The following ZNF558 variants were observed in gnomAD, a reference collection of about 807,000 sequenced individuals.
ZNF558 encodes the protein zinc finger protein 558.
A neutral mutation model predicts 37.6 loss-of-function variants in ZNF558; 23 were observed. The observed-to-expected ratio is 0.61, with a 90% confidence interval of 0.44 to 0.87. The LOEUF (loss-of-function observed/expected upper bound fraction) is 0.87, where lower values mean the gene tolerates loss of function less well. Among genes scored for constraint, ZNF558 ranks in the 40% least tolerant of loss-of-function variants. The probability of loss-of-function intolerance (pLI) is 0.00; values close to 1 mark genes in which losing one functional copy is unlikely to be tolerated. For missense variants in ZNF558, 429 were observed against 483.7 expected (o/e 0.89, Z 1.06); for synonymous variants, 189 against 174.4 (o/e 1.08, Z -0.66).
rs781969585 is a variant in ZNF558 at position 8,811,954 on chromosome 19, G to A, written c.536C>T (p.Pro179Leu). 6.2e-7 allele frequency: 1 copy of A among 1,614,090 alleles called. No homozygotes were observed. Among genetic ancestry groups the A allele is most frequent in the South Asian group, 1.1e-5 (1 of 91,074 alleles). The change falls in exon 10 of 10, where the codon CCC (proline) becomes CTC (leucine). Residue 179 changes from proline (P) to leucine (L), a missense_variant. Pro to Leu is a moderately conservative substitution (Grantham distance 98). Coordinates refer to ENST00000601372, the MANE Select transcript of ZNF558 (RefSeq NM_144693.3). Reference sequence around the variant, plus strand: ...CTTCCCACATTGACTACAGTCATAGGGTTTTTCTCCAGTATGAATTCTCTT... The same window carrying A: ...CTTCCCACATTGACTACAGTCATAGAGTTTTTCTCCAGTATGAATTCTCTT... ...QHKRIHTGEK[P>L]YDCSQCGKSF...
At chr19:8,825,777 C>A (rs975069193) in intron 2 of ZNF558, among the ~76,000 whole-genome samples, 7 of 152,096 alleles carry the variant, frequency 4.6e-5, no homozygotes, top group Non-Finnish European at 8.8e-5. Flanking sequence ...GCTCTTGGGC[C>A]TCTGTGGTAG....
At position 8,808,131 on chromosome 19, in the gene ZNF558, C is replaced by T. The variant is rs1555766512; in HGVS notation, c.*3150G>A. 1 of 152,030 alleles carries T rather than the reference C, an allele frequency of 6.6e-6. No homozygotes were observed. Among genetic ancestry groups the T allele is most frequent in the African/African-American group, 2.4e-5 (1 of 41,380 alleles). 9.4% of individuals were successfully genotyped at this position (152,030 alleles called of 1,614,324 possible). A position where few individuals can be genotyped will look rare whatever the true frequency, so the allele number is the denominator to read the frequency against. On this transcript the variant is annotated 3_prime_UTR_variant, in exon 10 of 10. Transcript: ENST00000601372. ...GACTAGCCTGGCCAACATGGTGAAA[C>T]CCCATCTCTACTAAAAATATAAAAA...
chr19:8,816,536 A>G (rs184355036), intron 7 of ZNF558, among the ~76,000 whole-genome samples: 84 of 152,328 alleles, frequency 5.5e-4, no homozygotes, highest in Admixed American at 1.9e-3. Context: ...CTGAGAAAAA[A>G]TGGCAACCAA....
Position 8,809,789 on chromosome 19 carries a change from T to A in ZNF558, c.*1492A>T, listed in dbSNP as rs1263237828. On this transcript the variant is annotated 3_prime_UTR_variant, in exon 10 of 10. Coordinates refer to ENST00000601372, the MANE Select transcript of ZNF558 (RefSeq NM_144693.3). Reference sequence around the variant, plus strand: ...TTAAAAGAAAAAAAGACTAAAAAAATTAATGAGCCAGCAGTCCAATCTACA... The same window carrying A: ...TTAAAAGAAAAAAAGACTAAAAAAAATAATGAGCCAGCAGTCCAATCTACA... The A allele has an allele frequency of 6.6e-6, 1 of 152,116 alleles. No homozygotes were observed. The highest frequency in any genetic ancestry group is 1.5e-5 in the Non-Finnish European group (1 of 67,992). 9.4% of individuals were successfully genotyped at this position (152,116 alleles called of 1,614,324 possible).
chr19:8,812,211 A>C (rs2043812578), intron 9 of ZNF558, 148 bp from the exon 10 acceptor site: 1 of 767,820 alleles, frequency 1.3e-6, no homozygotes, highest in Non-Finnish European at 1.9e-6. Context: ...ATTTCTGCCC[A>C]GTTTTAGCTC....
At chr19:8,826,472 T>C (rs1022897780) in intron 2 of ZNF558, among the ~76,000 whole-genome samples, 5 of 151,592 alleles carry the variant, frequency 3.3e-5, no homozygotes, top group Non-Finnish European at 7.4e-5. Context: ...AATTAGATTC[T>C]CCTAAGGAGT....
rs773406354 is a variant in ZNF558 at position 8,822,636 on chromosome 19, C to T, written c.24G>A (p.Ser8=). 5.9e-5 allele frequency: 95 copies of T among 1,613,922 alleles called. No homozygotes were observed. The highest frequency in any genetic ancestry group is 3.3e-4 in the Middle Eastern group (2 of 6,082). ...CAGGACCCCACGACTCACCAGCAGT[C>T]GAGGGCAGGATGACAGCCGCCATCC... is the stretch of plus-strand genomic sequence containing the variant. MAAVILP[S]TAAPSSLFPA... is the part of the protein sequence containing the mutation. Residue 8 remains serine, a synonymous_variant, in exon 5 of 10, where the codon TCG becomes TCA. Coordinates refer to ENST00000601372, the MANE Select transcript of ZNF558 (RefSeq NM_144693.3). This position sits in a 1 kb window ranked among gnomAD's most constrained non-coding sequence, Gnocchi z 4.4.
intron 7 of ZNF558, 87 bp downstream of exon 7, chr19:8,821,093 A>G: frequency 6.5e-7 from 1 of 1,535,580 alleles, no homozygotes; most frequent in Middle Eastern, 1.8e-4. Flanking sequence ...TGTTGTATGG[A>G]TTTTACCACA....
chr19:8,835,067 T>C (rs1473586410), upstream of ZNF558, among the ~76,000 whole-genome samples: 1 of 152,070 alleles, frequency 6.6e-6, no homozygotes, highest in African/African-American at 2.4e-5. Context: ...TTTTTTTCTT[T>C]TTGAGGTGGA....
chr19:8,813,102 G>A (rs1555768912), intron 8 of ZNF558, 25 bp downstream of exon 8: 1 of 1,549,204 alleles, frequency 6.5e-7, no homozygotes, highest in Non-Finnish European at 8.8e-7. Flanking sequence ...TTCCTCACAA[G>A]GGCTCATATC....
In ZNF558 at chr19:8,809,795, A is replaced by C. The variant is rs1555767085; in HGVS notation, c.*1486T>G. 1.3e-5 allele frequency: 2 copies of C among 152,232 alleles called. No homozygotes were observed. The highest frequency in any genetic ancestry group is 4.1e-4 in the South Asian group (2 of 4,834). The allele number at this position is 152,232 out of a possible 1,614,324, so 9.4% of individuals were successfully genotyped here. A position where few individuals can be genotyped will look rare whatever the true frequency, so the allele number is the denominator to read the frequency against. Reference sequence around the variant, plus strand: ...GAAAAAAAGACTAAAAAAATTAATGAGCCAGCAGTCCAATCTACAGATGAG... The same window carrying C: ...GAAAAAAAGACTAAAAAAATTAATGCGCCAGCAGTCCAATCTACAGATGAG... On this transcript the variant is annotated 3_prime_UTR_variant, in exon 10 of 10. Coordinates refer to ENST00000601372, the MANE Select transcript of ZNF558 (RefSeq NM_144693.3).
At chr19:8,820,491 TG>T (rs1395087084) in intron 7 of ZNF558, among the ~76,000 whole-genome samples, 4 of 152,190 alleles carry the variant, frequency 2.6e-5, no homozygotes, top group Non-Finnish European at 5.9e-5. Flanking sequence ...TTTTTTGTTT[TG>T]TTTTTTTTGA....
chr19:8,828,631 T>C (rs553716818), intron 2 of ZNF558, among the ~76,000 whole-genome samples: 1 of 152,336 alleles, frequency 6.6e-6, no homozygotes, highest in South Asian at 2.1e-4. Flanking sequence ...ATTTTGCCTG[T>C]AGCTTCTGCT....
upstream of ZNF558, among the ~76,000 whole-genome samples, chr19:8,833,768 C>A (rs1281488693): frequency 6.6e-6 from 1 of 152,198 alleles, no homozygotes; most frequent in Non-Finnish European, 1.5e-5. Context: ...GCAGGCAGAT[C>A]ACCTGAGGTC....
rs1483238980 is a variant in ZNF558, at chr19:8,822,772, G to A, written c.-65-48C>T. 10 of 1,547,930 alleles carry A rather than the reference G, an allele frequency of 6.5e-6. No individual in the cohort carries two copies. In the East Asian group the frequency reaches 9.1e-5, roughly 14 times the overall value. Reference sequence around the variant, plus strand: ...AAGTCTCCGTGGCCTCCTCCCTCTCGGGCTGCTGGGGATGGGCCCTCCTCA... The same window carrying A: ...AAGTCTCCGTGGCCTCCTCCCTCTCAGGCTGCTGGGGATGGGCCCTCCTCA... On this transcript the variant is annotated intron_variant, in intron 4 of 9. Coordinates refer to ENST00000601372, the MANE Select transcript of ZNF558 (RefSeq NM_144693.3). The surrounding 1 kb of genome is among the most constrained non-coding windows in gnomAD (Gnocchi z 4.4).
chr19:8,836,791 C>T (rs546287844), upstream of ZNF558, among the ~76,000 whole-genome samples: 36 of 152,326 alleles, frequency 2.4e-4, no homozygotes, highest in Non-Finnish European at 4.9e-4. Flanking sequence ...TCGTATCCAG[C>T]TTAAGTGTAT....
chr19:8,837,719 C>T, the ZNF558 span, among the ~76,000 whole-genome samples: 4 of 152,302 alleles, frequency 2.6e-5, no homozygotes, highest in South Asian at 8.3e-4. Context: ...ATACTTTATA[C>T]TCTGATAGTC....
intron 3 of ZNF558, among the ~76,000 whole-genome samples, chr19:8,824,766 G>A (rs182402004): frequency 3.3e-5 from 5 of 152,190 alleles, no homozygotes; most frequent in African/African-American, 9.6e-5. Context: ...TAGCTCTCCC[G>A]TGCTGCTAGA....
chr19:8,808,069 G>C lies in ZNF558; in HGVS notation c.*3212C>G, dbSNP rs2043717452. On this transcript the variant is annotated 3_prime_UTR_variant, in exon 10 of 10. Transcript: ENST00000601372. ...ATTTAGAAGGGGGCCTGATCTATGG[G>C]AAGTGCAATATAAATGTCTGACCAT... is the stretch of plus-strand genomic sequence containing the variant. 1 of 152,150 alleles carries C rather than the reference G, an allele frequency of 6.6e-6. No individual in the cohort carries two copies. Among genetic ancestry groups the C allele is most frequent in the African/African-American group, 2.4e-5 (1 of 41,428 alleles). The allele number at this position is 152,150 out of a possible 1,614,324, so 9.4% of individuals were successfully genotyped here.
Sources: gnomAD v4.1 joint callset for allele counts (sites outside exome capture counted in the v4.1 genomes callset) on GRCh38, gnomAD v4.1.1 for gene constraint, Gnocchi (gnomAD v3.1) non-coding constraint, MANE v1.5 for transcripts, NCBI Gene and HGNC (gene_info 2026-07-23, HGNC 2026-07-21) for gene names.